The following CAMKMT variants were observed in gnomAD, a reference collection of about 807,000 sequenced individuals.
CAMKMT encodes CaM KMT.
Under a neutral mutation model 48.0 loss-of-function variants are expected in CAMKMT, and 53 were observed. The observed-to-expected ratio is 1.10, with a 90% CI of 0.89 to 1.39. The LOEUF (loss-of-function observed/expected upper bound fraction) is 1.39. Ranked by LOEUF, CAMKMT falls within the 40% of genes most tolerant of loss-of-function variation. The probability of loss-of-function intolerance (pLI) is 0.00; values close to 1 mark genes in which losing one functional copy is unlikely to be tolerated. For missense variants in CAMKMT, 428 were observed against 402.7 expected (o/e 1.06, Z -0.54); for synonymous variants, 165 against 152.3 (o/e 1.08, Z -0.61).
chr2:44,440,193 A>G (rs767150150), intron 3 of CAMKMT, among the ~76,000 whole-genome samples: 1 of 152,206 alleles, frequency 6.6e-6, no homozygotes, highest in Non-Finnish European at 1.5e-5. Flanking sequence ...TGCATCCTCT[A>G]GTCCCATGAT....
At chr2:44,659,122 T>C (rs530170276) in intron 3 of CAMKMT, among the ~76,000 whole-genome samples, 1 of 147,872 alleles carries the variant, frequency 6.8e-6, no homozygotes, top group Non-Finnish European at 1.5e-5. Context: ...TCTTAAATCA[T>C]TTAGAAAAAG....
chr2:44,767,763 C>A (rs1461010507), intron 10 of CAMKMT, among the ~76,000 whole-genome samples: 5 of 152,246 alleles, frequency 3.3e-5, no homozygotes, highest in Non-Finnish European at 4.4e-5. Context: ...GGGTCTTTAC[C>A]TGGTAGGAAA....
At chr2:44,738,890 G>C (rs1356159346) in intron 7 of CAMKMT, among the ~76,000 whole-genome samples, 1 of 152,240 alleles carries the variant, frequency 6.6e-6, no homozygotes, top group Non-Finnish European at 1.5e-5. Context: ...GGAGGTGACG[G>C]AGTGAGCTGT....
At position 44,461,469 on chromosome 2, in the gene CAMKMT, C is replaced by T. The variant is rs145520760; in HGVS notation, c.376+71164C>T. ...TGGGATTAAAACCTAGGCAGTTTGG[C>T]TCCAGAGTAAGTGTTCTTAATCACT... On this transcript the variant is annotated intron_variant, in intron 3 of 10. Transcript: ENST00000378494. Among the ~76,000 whole-genome samples the T allele has an allele frequency of 5.5e-3, 831 of 152,254 alleles. 8 individuals carry two copies. The highest frequency in any genetic ancestry group is 0.019 in the African/African-American group (787 of 41,532).
chr2:44,659,054 C>G (rs1415593032), intron 3 of CAMKMT, among the ~76,000 whole-genome samples: 1 of 148,138 alleles, frequency 6.8e-6, no homozygotes, highest in Non-Finnish European at 1.5e-5. Context: ...TATTATAAAA[C>G]CACTTTTGTG....
intron 6 of CAMKMT, among the ~76,000 whole-genome samples, chr2:44,708,059 A>C (rs1240962893): frequency 6.6e-6 from 1 of 152,088 alleles, no homozygotes; most frequent in East Asian, 1.9e-4. Flanking sequence ...ATGCTTTACT[A>C]ATATGTACAC....
chr2:44,447,998 A>C (rs1667096603), intron 3 of CAMKMT, among the ~76,000 whole-genome samples: 1 of 152,194 alleles, frequency 6.6e-6, no homozygotes, highest in Admixed American at 6.5e-5. Context: ...GTATAATGCT[A>C]GAGATTGTAT....
chr2:44,416,626 T>G (rs1161854053), intron 3 of CAMKMT, among the ~76,000 whole-genome samples: 1 of 138,760 alleles, frequency 7.2e-6, no homozygotes. Context: ...TAGGCTGGAG[T>G]GCAATGGTGT....
chr2:44,371,789 A>T (rs1679206493), intron 1 of CAMKMT, among the ~76,000 whole-genome samples: 1 of 152,180 alleles, frequency 6.6e-6, no homozygotes, highest in Admixed American at 6.5e-5. Flanking sequence ...TCACAATACC[A>T]CATCAACCCA....
chr2:44,697,428 T>A (rs58436718), intron 3 of CAMKMT, among the ~76,000 whole-genome samples: 1,884 of 152,104 alleles, frequency 0.012, 34 homozygotes, highest in African/African-American at 0.041. Flanking sequence ...GGTTAGAAGA[T>A]ACCAGGAGAG....
At chr2:44,703,969 A>C (rs1473027362) in intron 3 of CAMKMT, among the ~76,000 whole-genome samples, 1 of 152,128 alleles carries the variant, frequency 6.6e-6, no homozygotes, top group Admixed American at 6.6e-5. Context: ...GCACAAGATG[A>C]AGATCTATGT....
chr2:44,666,762 G>A (rs369607335), intron 3 of CAMKMT, among the ~76,000 whole-genome samples: 12 of 151,990 alleles, frequency 7.9e-5, no homozygotes, highest in Middle Eastern at 3.2e-3. Context: ...GGCGCGAGCC[G>A]CCATGCCCGG....
chr2:44,401,773 T>C (rs544792987), intron 3 of CAMKMT, among the ~76,000 whole-genome samples: 9 of 152,272 alleles, frequency 5.9e-5, no homozygotes, highest in African/African-American at 1.9e-4. Context: ...GTAGATCAAT[T>C]TCTTGCTTTC....
At chr2:44,394,584 T>C (rs1681650855) in intron 3 of CAMKMT, among the ~76,000 whole-genome samples, 1 of 152,236 alleles carries the variant, frequency 6.6e-6, no homozygotes, top group African/African-American at 2.4e-5. Flanking sequence ...CCTGCTACTA[T>C]GTCCAGCTAA....
chr2:44,750,320 C>G (rs572156755), intron 8 of CAMKMT, among the ~76,000 whole-genome samples: 16 of 152,140 alleles, frequency 1.1e-4, no homozygotes, highest in African/African-American at 3.9e-4. Flanking sequence ...CCACGCCTGG[C>G]TAATTTTTGT....
At chr2:44,574,034 G>A (rs748769600) in intron 3 of CAMKMT, among the ~76,000 whole-genome samples, 24 of 152,054 alleles carry the variant, frequency 1.6e-4, no homozygotes, top group Admixed American at 5.2e-4. Flanking sequence ...CCAGATGAAC[G>A]TTTGAATCTA....
At chr2:44,703,771 T>TAACAAAA (rs1677389010) in intron 3 of CAMKMT, among the ~76,000 whole-genome samples, 1 of 84,098 alleles carries the variant, frequency 1.2e-5, no homozygotes, top group African/African-American at 4.5e-5. Context: ...AGCAAGACTC[T>TAACAAAA]AAAAAAAAAA....
At chr2:44,412,732 A>T (rs545364501) in intron 3 of CAMKMT, among the ~76,000 whole-genome samples, 26 of 152,274 alleles carry the variant, frequency 1.7e-4, no homozygotes, top group African/African-American at 6.3e-4. Flanking sequence ...TAACTTAAGC[A>T]ATAGGAAACA....
intron 7 of CAMKMT, among the ~76,000 whole-genome samples, chr2:44,729,322 T>G (rs1174276066): frequency 6.6e-6 from 1 of 152,076 alleles, no homozygotes; most frequent in East Asian, 1.9e-4. Context: ...ACTACGGGAA[T>G]TGGAAAGTCA....
Sources: allele counts gnomAD v4.1 joint callset (sites outside exome capture counted in the v4.1 genomes callset), GRCh38; gene constraint gnomAD v4.1.1; transcripts MANE v1.5; gene names NCBI Gene and HGNC (gene_info 2026-07-23, HGNC 2026-07-21).